Variants in FANCI observed in about 807,000 individuals in gnomAD.
FANCI encodes the protein Fanconi anemia group I protein.
A neutral mutation model predicts 176.1 loss-of-function variants in FANCI; 156 were observed. The ratio of observed to expected loss-of-function variants is 0.89; its 90% CI spans 0.78 to 1.01. The LOEUF (loss-of-function observed/expected upper bound fraction) is 1.01. Among genes scored for constraint, FANCI ranks in the 50% least tolerant of loss-of-function variants. The pLI, the probability that FANCI is intolerant of heterozygous loss-of-function variation, is 0.00. For missense variants in FANCI, 1,678 were observed against 1,534.1 expected (o/e 1.09, Z -1.57); for synonymous variants, 613 against 541.7 (o/e 1.13, Z -1.83).
intron 2 of FANCI, among the ~76,000 whole-genome samples, chr15:89,252,062 G>T (rs1275559040): frequency 6.6e-6 from 1 of 152,192 alleles, no homozygotes; most frequent in East Asian, 1.9e-4. Flanking sequence ...CGCTTTGGGA[G>T]GCCAAGGTGG....
chr15:89,292,127 G>T, intron 20 of FANCI, among the ~76,000 whole-genome samples: 1 of 152,166 alleles, frequency 6.6e-6, no homozygotes, highest in Non-Finnish European at 1.5e-5. Flanking sequence ...AGAGGAGCTA[G>T]GCCTGGTTGA....
intron 17 of FANCI, 62 bp downstream of exon 17, chr15:89,283,312 C>T (rs2053687643): frequency 6.2e-7 from 1 of 1,608,450 alleles, no homozygotes; most frequent in Non-Finnish European, 8.5e-7. Flanking sequence ...CGATGAAATG[C>T]ACGCTGTTTT....
rs59945953 is a variant in FANCI, at chr15:89,273,310, TA to T, written c.883-51del. 0.37 allele frequency: 207,253 copies of T among 560,062 alleles called. 9,101 individuals carry two copies. Among genetic ancestry groups the T allele is most frequent in the African/African-American group, 0.39 (14,910 of 38,310 alleles). The allele number at this position is 560,062 out of a possible 1,614,324, so 34.7% of individuals were successfully genotyped here. A position where few individuals can be genotyped will look rare whatever the true frequency, so the allele number is the denominator to read the frequency against. On this transcript the variant is annotated intron_variant, in intron 10 of 37. Coordinates refer to ENST00000310775, the MANE Select transcript of FANCI (RefSeq NM_001113378.2). Reference sequence around the variant, plus strand: ...CAGAGAGACCCAATCTTTTTTTTTTTAAAAAAAAAAAAAAAAGAAAAAAGAA... The same window carrying T: ...CAGAGAGACCCAATCTTTTTTTTTTTAAAAAAAAAAAAAAAGAAAAAAGAA...
intron 36 of FANCI, 103 bp downstream of exon 36, chr15:89,314,810 C>T: frequency 1.3e-6 from 1 of 764,616 alleles, no homozygotes. Context: ...GACTCTGGGC[C>T]ATTTGTGTGT....
intron 14 of FANCI, among the ~76,000 whole-genome samples, chr15:89,280,080 GGTGTGATCTCA>G (rs2053559559): frequency 6.6e-6 from 1 of 152,158 alleles, no homozygotes; most frequent in Non-Finnish European, 1.5e-5. Flanking sequence ...GGAGGGCAGT[GGTGTGATCTCA>G]GCTCACTGCA....
rs1157910630 is a variant in FANCI at position 89,274,599 on chromosome 15, C to CTTTTTTTTTTTTT, written c.1112+306_1112+318dup. 2.9e-4 allele frequency among the ~76,000 whole-genome samples: 24 copies of CTTTTTTTTTTTTT among 82,812 alleles called. 2 individuals carry two copies. The highest frequency in any genetic ancestry group is 3.7e-4 in the Non-Finnish European group (17 of 46,310). The allele number at this position is 82,812 out of a possible 152,430, so 54.3% of individuals were successfully genotyped here. A position where few individuals can be genotyped will look rare whatever the true frequency, so the allele number is the denominator to read the frequency against. Reference sequence around the variant, plus strand: ...TCTCTATTTTCCTTTTCTTTCTTTCCTTTTTTTTTTTTTTTTTTTTTTTGA... The same window carrying CTTTTTTTTTTTTT: ...TCTCTATTTTCCTTTTCTTTCTTTCCTTTTTTTTTTTTTTTTTTTTTTTTTTTTTTTTTTTTGA... On this transcript the variant is annotated intron_variant, in intron 12 of 37. Coordinates refer to ENST00000310775, the MANE Select transcript of FANCI (RefSeq NM_001113378.2).
At chr15:89,281,935 A>G (rs2053629996) in intron 16 of FANCI, 100 bp downstream of exon 16, 2 of 1,116,442 alleles carry the variant, frequency 1.8e-6, no homozygotes, top group Admixed American at 1.7e-5. Context: ...CACAGTGATC[A>G]TGAGAATTCC....
intron 12 of FANCI, 54 bp from the exon 13 acceptor site, chr15:89,276,657 G>A: frequency 6.3e-7 from 1 of 1,590,380 alleles, no homozygotes; most frequent in East Asian, 2.2e-5. Context: ...GAGTATAAAG[G>A]TAAGAATATC....
intron 37 of FANCI, among the ~76,000 whole-genome samples, chr15:89,315,659 C>G (rs2152036255): frequency 6.6e-6 from 1 of 152,332 alleles, no homozygotes; most frequent in East Asian, 1.9e-4. Flanking sequence ...TCCTGTTAAT[C>G]TTTTAAACTA....
intron 32 of FANCI, among the ~76,000 whole-genome samples, 190 bp downstream of exon 32, chr15:89,306,384 C>G (rs1012737170): frequency 2.0e-5 from 3 of 151,960 alleles, no homozygotes; most frequent in Non-Finnish European, 2.9e-5. Context: ...CAGGGAAAAA[C>G]AGTTTATAAT....
rs545601583 is a variant in FANCI at position 89,250,727 on chromosome 15, A to G, written c.84+2996A>G. Among the ~76,000 whole-genome samples, 27 of 150,412 alleles carry G rather than the reference A, an allele frequency of 1.8e-4. No homozygotes were observed. The South Asian group carries it at 4.2e-3, about 23-fold the overall frequency. On this transcript the variant is annotated intron_variant, in intron 2 of 37. Transcript: ENST00000310775. ...TATATATATATAAAAATAAAAAAAT[A>G]CCTTCTAAATAACTCTTGGAGGAAA...
intron 12 of FANCI, among the ~76,000 whole-genome samples, chr15:89,275,864 T>C (rs1232952559): frequency 6.6e-6 from 1 of 152,226 alleles, no homozygotes; most frequent in Admixed American, 6.5e-5. Flanking sequence ...TGGGAGAGAT[T>C]TGGATAGCCT....
intron 2 of FANCI, among the ~76,000 whole-genome samples, chr15:89,250,137 G>A (rs1331942836): frequency 2.0e-5 from 3 of 152,164 alleles, no homozygotes; most frequent in East Asian, 1.9e-4. Context: ...ACAGTGTGGC[G>A]ATTTCTCAGG....
At chr15:89,290,461 T>C (rs2054018117) in intron 19 of FANCI, 180 bp downstream of exon 19, 4 of 613,470 alleles carry the variant, frequency 6.5e-6, no homozygotes, top group Non-Finnish European at 1.2e-5. Flanking sequence ...CACTTACCTG[T>C]CTGCCATAAT....
intron 30 of FANCI, 75 bp downstream of exon 30, chr15:89,305,484 T>G (rs1386230926): frequency 1.2e-6 from 2 of 1,609,582 alleles, no homozygotes; most frequent in African/African-American, 2.7e-5. Context: ...GTGACTTGTG[T>G]CCTATAGCGG....
chr15:89,315,542 T>C (rs1039250255), intron 37 of FANCI, among the ~76,000 whole-genome samples, 153 bp downstream of exon 37: 3 of 152,110 alleles, frequency 2.0e-5, no homozygotes, highest in Admixed American at 6.5e-5. Flanking sequence ...CTCAGAAGGG[T>C]TGTAAACTTT....
intron 2 of FANCI, among the ~76,000 whole-genome samples, chr15:89,252,955 A>G (rs2151130423): frequency 6.6e-6 from 1 of 152,340 alleles, no homozygotes; most frequent in Non-Finnish European, 1.5e-5. Flanking sequence ...GTTGACTGCA[A>G]AATTCATATA....
chr15:89,293,620 G>A (rs575019009), intron 22 of FANCI, among the ~76,000 whole-genome samples: 19 of 152,124 alleles, frequency 1.2e-4, no homozygotes, highest in Non-Finnish European at 2.1e-4. Context: ...CCTGGGAGGC[G>A]GAGGTTGCAG....
intron 10 of FANCI, 65 bp from the exon 11 acceptor site, chr15:89,273,308 TTTAA>T: frequency 1.1e-5 from 9 of 793,424 alleles, no homozygotes; most frequent in East Asian, 2.6e-5. Context: ...TCTTTTTTTT[TTTAA>T]AAAAAAAAAA....
Sources: gnomAD v4.1 joint callset for allele counts (sites outside exome capture counted in the v4.1 genomes callset) on GRCh38, gnomAD v4.1.1 for gene constraint, MANE v1.5 for transcripts, NCBI Gene and HGNC (gene_info 2026-07-23, HGNC 2026-07-21) for gene names.